The following TRHDE variants were observed in gnomAD, a reference collection of about 807,000 sequenced individuals.
TRHDE encodes thyrotropin releasing hormone degrading enzyme.
A neutral mutation model predicts 125.7 loss-of-function variants in TRHDE; 72 were observed. That is an observed-to-expected ratio of 0.57 (90% CI 0.47 to 0.70). The LOEUF (loss-of-function observed/expected upper bound fraction) is 0.70, where lower values mean the gene tolerates loss of function less well. Ranked by LOEUF, TRHDE falls within the 30% of genes least tolerant of loss-of-function variation. The probability of loss-of-function intolerance (pLI) is 0.00; values close to 1 mark genes in which losing one functional copy is unlikely to be tolerated. For synonymous variants in TRHDE, 509 were observed against 509.1 expected (o/e 1.00, Z 0.00); for missense variants, 1,110 against 1,327.1 (o/e 0.84, Z 2.54).
At chr12:72,229,068 G>T (rs189720096) in intron 2 of TRHDE, among the ~76,000 whole-genome samples, 1 of 152,224 alleles carries the variant, frequency 6.6e-6, no homozygotes, top group East Asian at 1.9e-4. Context: ...ACCTCTGCCT[G>T]TTACCCAATT....
intron 6 of TRHDE, among the ~76,000 whole-genome samples, chr12:72,506,844 T>C (rs1185012725): frequency 6.6e-6 from 1 of 152,126 alleles, no homozygotes; most frequent in Non-Finnish European, 1.5e-5. Flanking sequence ...TGCCACCAGA[T>C]AAGGTTTGAA....
intron 2 of TRHDE, among the ~76,000 whole-genome samples, chr12:72,331,232 G>A (rs1869580736): frequency 6.6e-6 from 1 of 152,152 alleles, no homozygotes; most frequent in Non-Finnish European, 1.5e-5. Context: ...TAATGGAGCC[G>A]GGATTTGAAT....
At chr12:72,207,193 C>T (rs1877685069) in intron 2 of TRHDE, among the ~76,000 whole-genome samples, 1 of 151,992 alleles carries the variant, frequency 6.6e-6, no homozygotes, top group Non-Finnish European at 1.5e-5. Context: ...AGCTGATGAC[C>T]AGAAAAGATA....
intron 7 of TRHDE, among the ~76,000 whole-genome samples, chr12:72,553,088 G>A (rs1157627908): frequency 1.3e-5 from 2 of 152,160 alleles, no homozygotes; most frequent in Admixed American, 6.5e-5. Flanking sequence ...ATGAAAGTGA[G>A]ATGAGAGTGG....
intron 6 of TRHDE, among the ~76,000 whole-genome samples, chr12:72,510,527 C>T (rs1223139901): frequency 1.3e-5 from 2 of 152,068 alleles, no homozygotes; most frequent in African/African-American, 4.8e-5. Flanking sequence ...TGATGTGCTC[C>T]AGCTCCTAAG....
chr12:72,543,458 A>G (rs990678819), intron 7 of TRHDE, among the ~76,000 whole-genome samples: 1 of 151,398 alleles, frequency 6.6e-6, no homozygotes, highest in African/African-American at 2.4e-5. Flanking sequence ...CATTGAATCT[A>G]TTTGCTGTAT....
In TRHDE at chr12:72,593,153, A is replaced by C. The variant is rs563889009; in HGVS notation, c.2321+17611A>C. ...TTCAGTGTTTATGGTTTCCAAGTTCATTTTTGGTTGCCAGTCCAGAAAGGC... is the reference window on the plus strand; with the variant it reads ...TTCAGTGTTTATGGTTTCCAAGTTCCTTTTTGGTTGCCAGTCCAGAAAGGC... On this transcript the variant is annotated intron_variant, in intron 12 of 18. Transcript: ENST00000261180. 3.3e-5 allele frequency among the ~76,000 whole-genome samples: 5 copies of C among 152,198 alleles called. No individual in the cohort carries two copies. The East Asian group carries it at 9.7e-4, about 29-fold the overall frequency.
chr12:72,543,723 C>T (rs1248678778), intron 7 of TRHDE, among the ~76,000 whole-genome samples: 1 of 150,734 alleles, frequency 6.6e-6, no homozygotes, highest in Admixed American at 6.6e-5. Flanking sequence ...TTTTCTTCAT[C>T]TGTGTGTATG....
At chr12:72,437,572 G>A (rs913424413) in intron 3 of TRHDE, among the ~76,000 whole-genome samples, 1 of 151,650 alleles carries the variant, frequency 6.6e-6, no homozygotes, top group Non-Finnish European at 1.5e-5. Context: ...TCACTTTTAT[G>A]GAATCATAAT....
At chr12:72,412,338 T>C (rs1001058463) in intron 3 of TRHDE, among the ~76,000 whole-genome samples, 8 of 152,162 alleles carry the variant, frequency 5.3e-5, no homozygotes, top group African/African-American at 1.9e-4. Flanking sequence ...AGATAACCAA[T>C]TTTATTAATA....
At chr12:72,357,964 TA>T (rs777988429) in intron 2 of TRHDE, among the ~76,000 whole-genome samples, 6 of 151,274 alleles carry the variant, frequency 4.0e-5, no homozygotes, top group African/African-American at 1.2e-4. Flanking sequence ...ATTAGAAAGT[TA>T]AAAAAAATTC....
At chr12:72,274,847 C>A (rs1879422947) in intron 1 of TRHDE, 1 of 152,208 alleles carries the variant, frequency 6.6e-6, no homozygotes, top group African/African-American at 2.4e-5. Flanking sequence ...AGAGTATCCA[C>A]CATAAATGCT....
chr12:72,302,030 C>T (rs1211007791), intron 2 of TRHDE, among the ~76,000 whole-genome samples: 1 of 152,110 alleles, frequency 6.6e-6, no homozygotes, highest in Non-Finnish European at 1.5e-5. Flanking sequence ...TGATTACCAA[C>T]TTGTGCAAAT....
chr12:72,208,714 G>A (rs1877717985), intron 2 of TRHDE, among the ~76,000 whole-genome samples: 1 of 152,098 alleles, frequency 6.6e-6, no homozygotes, highest in Admixed American at 6.5e-5. Context: ...TACTTATGAA[G>A]GGCGATATAC....
At chr12:72,185,475 T>G (rs561537213) in intron 2 of TRHDE, among the ~76,000 whole-genome samples, 23 of 152,366 alleles carry the variant, frequency 1.5e-4, no homozygotes, top group African/African-American at 5.3e-4. Flanking sequence ...GCAGCCCCTG[T>G]GCGGGATCCA....
At chr12:72,496,177 C>T (rs1419181310) in intron 5 of TRHDE, among the ~76,000 whole-genome samples, 4 of 152,212 alleles carry the variant, frequency 2.6e-5, no homozygotes, top group Non-Finnish European at 5.9e-5. Context: ...TACACACTTA[C>T]ATACACATAC....
At chr12:72,569,223 T>C (rs1001896985) in intron 10 of TRHDE, among the ~76,000 whole-genome samples, 12 of 152,226 alleles carry the variant, frequency 7.9e-5, no homozygotes, top group African/African-American at 2.9e-4. Context: ...GATAGTGACC[T>C]ATTTCAATTT....
chr12:72,589,921 C>A (rs940094752), intron 12 of TRHDE, among the ~76,000 whole-genome samples: 1 of 151,662 alleles, frequency 6.6e-6, no homozygotes, highest in Non-Finnish European at 1.5e-5. Flanking sequence ...TTACTTCTGT[C>A]TGCTTAAAAT....
Position 72,636,046 on chromosome 12 carries a change from A to G in TRHDE, c.2675+14295A>G, listed in dbSNP as rs1362688485. On this transcript the variant is annotated intron_variant, in intron 15 of 18. Coordinates refer to ENST00000261180, the MANE Select transcript of TRHDE (RefSeq NM_013381.3). The stretch of plus-strand genomic sequence containing the variant: ...TTTTTCCAATTCTGTGAAGAAAGTC[A>G]TTGGTAGCTTGATGGGGATGGCATT... Among the ~76,000 whole-genome samples, 19 of 151,014 alleles carry G rather than the reference A, an allele frequency of 1.3e-4. No homozygotes were observed. In the East Asian group the frequency reaches 3.5e-3, roughly 28 times the overall value.
Sources: allele counts gnomAD v4.1 joint callset (sites outside exome capture counted in the v4.1 genomes callset), GRCh38; gene constraint gnomAD v4.1.1; transcripts MANE v1.5; gene names NCBI Gene and HGNC (gene_info 2026-07-23, HGNC 2026-07-21).